Variants in ATP6V1C2 observed in about 807,000 individuals in gnomAD.
ATP6V1C2 encodes V-type proton ATPase subunit C 2.
Under a neutral mutation model 56.8 loss-of-function variants are expected in ATP6V1C2, and 45 were observed. The observed-to-expected ratio is 0.79, with a 90% confidence interval of 0.62 to 1.02. ATP6V1C2 has a LOEUF of 1.02. ATP6V1C2 is among the 50% of genes least tolerant of loss of function. The pLI is 0.00. For missense variants in ATP6V1C2, 463 were observed against 519.7 expected (o/e 0.89, Z 1.06); for synonymous variants, 220 against 201.3 (o/e 1.09, Z -0.79).
At chr2:10,737,260 C>CA (rs70953338) in intron 3 of ATP6V1C2, among the ~76,000 whole-genome samples, 1 of 123,070 alleles carries the variant, frequency 8.1e-6, no homozygotes, top group Non-Finnish European at 1.7e-5. Flanking sequence ...ACTAAAAATA[C>CA]AAAAAAAAAA....
Position 10,762,370 on chromosome 2 carries a change from T to C in ATP6V1C2, c.284-1961T>C, listed in dbSNP as rs1434883119. 2.0e-5 allele frequency among the ~76,000 whole-genome samples: 3 copies of C among 152,006 alleles called. No individual in the cohort carries two copies. In the East Asian group the frequency reaches 5.8e-4, roughly 29 times the overall value. On this transcript the variant is annotated intron_variant, in intron 4 of 13. Coordinates refer to ENST00000272238, the MANE Select transcript of ATP6V1C2 (RefSeq NM_001039362.2). ...CATGTTGGCCAGGCTGGTCTCAAAC[T>C]CCTGACCTCGTGATCCACCTGCTTC...
intron 12 of ATP6V1C2, among the ~76,000 whole-genome samples, chr2:10,781,637 G>C (rs1011832806): frequency 6.6e-6 from 1 of 152,122 alleles, no homozygotes; most frequent in Non-Finnish European, 1.5e-5. Context: ...GGGAACATAG[G>C]TGCTAACTAC....
rs6748808 is a variant in ATP6V1C2, at chr2:10,783,695, C to T, written c.*432C>T. 12,395 of 162,882 alleles carry T rather than the reference C, an allele frequency of 0.076. 1,708 individuals carry two copies. Among genetic ancestry groups the T allele is most frequent in the African/African-American group, 0.28 (11,774 of 41,510 alleles). The allele number at this position is 162,882 out of a possible 1,614,324, so 10.1% of individuals were successfully genotyped here. On this transcript the variant is annotated 3_prime_UTR_variant, in exon 14 of 14. Transcript: ENST00000272238. ...TGAGCCCGGTTTCCATGTAAAATCT[C>T]TGTTGTGGTGGGCATAGGTGGCACC...
chr2:10,774,354 T>C lies in ATP6V1C2; in HGVS notation c.639-434T>C, dbSNP rs550760942. On this transcript the variant is annotated intron_variant, in intron 8 of 13. Transcript: ENST00000272238. Reference sequence around the variant, plus strand: ...GGCCCCAGTGGTCCTGTGTTGAGACTTGCTTGGGAGGCTGTGTCCCATTAG... The same window carrying C: ...GGCCCCAGTGGTCCTGTGTTGAGACCTGCTTGGGAGGCTGTGTCCCATTAG... 1.5e-3 allele frequency among the ~76,000 whole-genome samples: 222 copies of C among 152,346 alleles called. 1 individual carries two copies. Among genetic ancestry groups the C allele is most frequent in the African/African-American group, 5.1e-3 (212 of 41,582 alleles).
intron 4 of ATP6V1C2, among the ~76,000 whole-genome samples, chr2:10,761,757 T>C (rs1370967032): frequency 6.6e-6 from 1 of 152,228 alleles, no homozygotes; most frequent in Non-Finnish European, 1.5e-5. Context: ...TGTCCCTTCT[T>C]ATATGGCCTC....
At chr2:10,750,736 A>C (rs989755069) in intron 3 of ATP6V1C2, among the ~76,000 whole-genome samples, 1 of 152,184 alleles carries the variant, frequency 6.6e-6, no homozygotes, top group Non-Finnish European at 1.5e-5. Context: ...TATGTAAACA[A>C]ATAACTACTC....
chr2:10,723,230 G>A (rs554589522), intron 2 of ATP6V1C2, among the ~76,000 whole-genome samples: 4 of 152,302 alleles, frequency 2.6e-5, no homozygotes, highest in Admixed American at 2.6e-4. Flanking sequence ...ACAAGGTTGT[G>A]GGTAGCAGTG....
chr2:10,783,180 G>A lies in ATP6V1C2; in HGVS notation c.1201G>A (p.Val401Met), dbSNP rs2148523147. Residue 401 changes from valine to methionine, a missense_variant, in exon 14 of 14, where the codon GTG (valine) becomes ATG (methionine). Transcript: ENST00000272238. ...VAATSILDAS[V>M]EIPGLQLNNQ... ...ACCATGTCTTCTTTTGTAGGCATCT[G>A]TGGAGATCCCGGGACTGCAACTCAA... is the stretch of plus-strand genomic sequence containing the variant. The A allele has an allele frequency of 1.9e-6, 3 of 1,612,304 alleles. No individual in the cohort carries two copies. The highest frequency in any genetic ancestry group is 2.5e-6 in the Non-Finnish European group (3 of 1,178,376).
chr2:10,774,786 A>G lies in ATP6V1C2; in HGVS notation c.639-2A>G. The stretch of plus-strand genomic sequence containing the variant: ...CAGCCAACAGATGCTTCTCTCCAAC[A>G]GACTCATTACTGAGGACAAGGAAGG... On this transcript the variant is annotated splice_acceptor_variant, in intron 8 of 13. Coordinates refer to ENST00000272238, the MANE Select transcript of ATP6V1C2 (RefSeq NM_001039362.2). LOFTEE classifies it high-confidence loss of function. 6.2e-7 allele frequency: 1 copy of G among 1,613,508 alleles called. No homozygotes were observed.
chr2:10,730,638 T>C (rs1661897536), intron 3 of ATP6V1C2, among the ~76,000 whole-genome samples: 1 of 131,770 alleles, frequency 7.6e-6, no homozygotes, highest in East Asian at 2.4e-4. Context: ...AATGAGATAA[T>C]ACACAGGTGT....
chr2:10,745,349 T>G (rs1662850653), intron 3 of ATP6V1C2, among the ~76,000 whole-genome samples: 1 of 144,746 alleles, frequency 6.9e-6, no homozygotes, highest in African/African-American at 2.6e-5. Context: ...ATTTGTTACC[T>G]TTTTAACCGT....
rs778432930 is a variant in ATP6V1C2, at chr2:10,764,394, C to T, written c.347C>T (p.Pro116Leu). 1.3e-5 allele frequency: 21 copies of T among 1,613,960 alleles called. No individual in the cohort carries two copies. Among genetic ancestry groups the T allele is most frequent in the Admixed American group, 6.7e-5 (4 of 60,004 alleles). ...ATGGCCAAATATCCTGTCAAGCAGC[C>T]GCTCGTGAGTGTGGTGGACACAATA... ...WDMAKYPVKQ[P>L]LVSVVDTIAK... The change falls in exon 5 of 14, where the codon CCG becomes CTG. Residue 116 changes from proline (P) to leucine (L), a missense_variant. Transcript: ENST00000272238.
chr2:10,762,883 T>G (rs933792636), intron 4 of ATP6V1C2, among the ~76,000 whole-genome samples: 1 of 151,904 alleles, frequency 6.6e-6, no homozygotes, highest in Non-Finnish European at 1.5e-5. Context: ...GGCACCACCC[T>G]CTCCCTCCCA....
intron 3 of ATP6V1C2, among the ~76,000 whole-genome samples, chr2:10,729,211 C>T (rs1034565030): frequency 1.3e-5 from 2 of 148,292 alleles, no homozygotes; most frequent in African/African-American, 2.5e-5. Context: ...GTCACCCAGG[C>T]TGGAGTAGAG....
At chr2:10,731,139 A>G (rs1661928386) in intron 3 of ATP6V1C2, among the ~76,000 whole-genome samples, 1 of 151,342 alleles carries the variant, frequency 6.6e-6, no homozygotes, top group South Asian at 2.1e-4. Flanking sequence ...TGTAGAGACA[A>G]GGTCTTACTA....
At chr2:10,769,222 G>A (rs1448263884) in intron 6 of ATP6V1C2, among the ~76,000 whole-genome samples, 1 of 152,236 alleles carries the variant, frequency 6.6e-6, no homozygotes, top group Non-Finnish European at 1.5e-5. Context: ...CCAGAGCAGA[G>A]CAGCCTCAGG....
In ATP6V1C2 at chr2:10,784,264, C is replaced by T. The variant is rs767166139; in HGVS notation, c.*1001C>T. On this transcript the variant is annotated 3_prime_UTR_variant, in exon 14 of 14. Transcript: ENST00000272238. ...GAAGCCTCTGTTGTGGCTCTCACAA[C>T]TCATCTTTCCCTAAGTCATCAAGCT... 1.9e-6 allele frequency: 3 copies of T among 1,612,486 alleles called. No individual in the cohort carries two copies. The highest frequency in any genetic ancestry group is 4.5e-5 in the East Asian group (2 of 44,814).
intron 3 of ATP6V1C2, among the ~76,000 whole-genome samples, chr2:10,737,704 T>A (rs1423747245): frequency 6.6e-6 from 1 of 152,188 alleles, no homozygotes; most frequent in Non-Finnish European, 1.5e-5. Context: ...TTTGTTTGTT[T>A]TTGGAGACAC....
intron 3 of ATP6V1C2, among the ~76,000 whole-genome samples, chr2:10,739,402 C>T (rs1662427116): frequency 1.3e-5 from 2 of 152,096 alleles, no homozygotes; most frequent in Middle Eastern, 3.2e-3. Flanking sequence ...CACTTCCAGA[C>T]CCCTAGCTTC....
Sources: gnomAD v4.1 joint callset for allele counts (sites outside exome capture counted in the v4.1 genomes callset) on GRCh38, gnomAD v4.1.1 for gene constraint, MANE v1.5 for transcripts, NCBI Gene and HGNC (gene_info 2026-07-23, HGNC 2026-07-21) for gene names.